The following ZNF398 variants were observed in gnomAD, a reference collection of about 807,000 sequenced individuals.
ZNF398 encodes zinc finger protein 398.
ZNF398 carries 18 observed loss-of-function variants against 41.9 expected under a neutral mutation model. The observed-to-expected ratio is 0.43, with a 90% CI of 0.30 to 0.64. ZNF398 has a LOEUF of 0.64. Among genes scored for constraint, ZNF398 ranks in the 30% least tolerant of loss-of-function variants. The probability of loss-of-function intolerance (pLI) is 0.14; values close to 1 mark genes in which losing one functional copy is unlikely to be tolerated. For synonymous variants in ZNF398, 260 were observed against 308.8 expected (o/e 0.84, Z 1.66); for missense variants, 669 against 822.8 (o/e 0.81, Z 2.29).
chr7:149,144,893 G>A (rs1826901885), upstream of ZNF398, among the ~76,000 whole-genome samples: 1 of 151,832 alleles, frequency 6.6e-6, no homozygotes, highest in African/African-American at 2.4e-5. Context: ...CCGGCTTCTC[G>A]GCTACTACAT....
intron 2 of ZNF398, among the ~76,000 whole-genome samples, chr7:149,155,063 G>A (rs916788712): frequency 6.7e-6 from 1 of 149,680 alleles, no homozygotes; most frequent in East Asian, 2.0e-4. Flanking sequence ...GAGGCAGGTG[G>A]ATCTCCTGAG....
rs1408631946 is a variant in ZNF398 at position 149,149,684 on chromosome 7, T to TAAA, written c.24+1918_24+1919insAAA. Among the ~76,000 whole-genome samples the TAAA allele has an allele frequency of 5.5e-3, 541 of 98,468 alleles. 3 individuals are homozygous for TAAA. The highest frequency in any genetic ancestry group is 0.013 in the African/African-American group (469 of 35,802). The allele number at this position is 98,468 out of a possible 152,430, so 64.6% of individuals were successfully genotyped here. A position where few individuals can be genotyped will look rare whatever the true frequency, so the allele number is the denominator to read the frequency against. ...AAGACCCCATCTCTACAAAAAAAAT[T>TAAA]TTTTTTTTTAAATTAGCCAGGCGTG... is the stretch of plus-strand genomic sequence containing the variant. On this transcript the variant is annotated intron_variant, in intron 1 of 5. Coordinates refer to ENST00000475153, the MANE Select transcript of ZNF398 (RefSeq NM_170686.3).
chr7:149,155,698 TATATATA>T (rs1260805184), intron 2 of ZNF398, among the ~76,000 whole-genome samples: 60 of 34,686 alleles, frequency 1.7e-3, no homozygotes, highest in African/African-American at 3.5e-3. Context: ...TATATATATA[TATATATA>T]TATTTTTTTT....
intron 4 of ZNF398, among the ~76,000 whole-genome samples, chr7:149,169,582 G>A (rs543077399): frequency 1.4e-4 from 22 of 152,096 alleles, no homozygotes; most frequent in Non-Finnish European, 2.9e-4. Context: ...CTCCCAAGTA[G>A]CTGGGACTAC....
chr7:149,141,949 T>C (rs2129519667), intron 2 of ZNF398, among the ~76,000 whole-genome samples: 1 of 152,236 alleles, frequency 6.6e-6, no homozygotes, highest in South Asian at 2.1e-4. Context: ...TTGGCATCCA[T>C]GAAGGCTGTT....
At chr7:149,142,335 T>C (rs535464638) in intron 2 of ZNF398, among the ~76,000 whole-genome samples, 2 of 152,284 alleles carry the variant, frequency 1.3e-5, no homozygotes, top group South Asian at 4.1e-4. Context: ...ATACTGTATA[T>C]ATCTGTATAT....
At chr7:149,134,847 C>T (rs1826676960) in intron 2 of ZNF398, among the ~76,000 whole-genome samples, 3 of 152,142 alleles carry the variant, frequency 2.0e-5, no homozygotes, top group African/African-American at 7.2e-5. Context: ...TCTCATGCCT[C>T]AGCCTCCCAA....
chr7:149,166,308 G>A (rs1420680660), intron 3 of ZNF398, 24 bp downstream of exon 3: 1 of 1,573,056 alleles, frequency 6.4e-7, no homozygotes, highest in Non-Finnish European at 8.6e-7. Context: ...GACACCTTTT[G>A]AATGAAGTGA....
intron 2 of ZNF398, among the ~76,000 whole-genome samples, chr7:149,162,252 G>A (rs1202457206): frequency 6.6e-6 from 1 of 152,018 alleles, no homozygotes; most frequent in Non-Finnish European, 1.5e-5. Context: ...CGCAGTCTCG[G>A]CTCACTGTAA....
chr7:149,165,548 A>G (rs928901251), intron 2 of ZNF398, among the ~76,000 whole-genome samples: 1 of 152,206 alleles, frequency 6.6e-6, no homozygotes, highest in Non-Finnish European at 1.5e-5. Flanking sequence ...CCATTTGAAG[A>G]ATGTACAAAG....
chr7:149,133,563 CAA>C (rs1675325176), intron 2 of ZNF398, among the ~76,000 whole-genome samples: 1 of 150,714 alleles, frequency 6.6e-6, no homozygotes, highest in African/African-American at 2.4e-5. Context: ...AGGCTTTTGA[CAA>C]AGTGATCTGC....
At chr7:149,174,797 G>A (rs1000818358) in intron 4 of ZNF398, among the ~76,000 whole-genome samples, 1 of 152,188 alleles carries the variant, frequency 6.6e-6, no homozygotes, top group Non-Finnish European at 1.5e-5. Flanking sequence ...CTGTAGTCCA[G>A]CCTGGGTGAT....
chr7:149,180,134 G>A lies in ZNF398; in HGVS notation c.*333G>A, dbSNP rs1183545403. On this transcript the variant is annotated 3_prime_UTR_variant, in exon 6 of 6. Coordinates refer to ENST00000475153, the MANE Select transcript of ZNF398 (RefSeq NM_170686.3). ...GTTCTCTTGTTCTCAGAGAACAGCA[G>A]GTTGATAGTAGATTATGTCTCTAGG... The A allele has an allele frequency of 4.7e-6, 1 of 211,284 alleles. No homozygotes were observed. The highest frequency in any genetic ancestry group is 9.5e-6 in the Non-Finnish European group (1 of 105,062). 13.1% of individuals were successfully genotyped at this position (211,284 alleles called of 1,614,324 possible). A position where few individuals can be genotyped will look rare whatever the true frequency, so the allele number is the denominator to read the frequency against.
chr7:149,158,658 A>G (rs1373418601), intron 2 of ZNF398, among the ~76,000 whole-genome samples: 4 of 152,022 alleles, frequency 2.6e-5, no homozygotes, highest in Middle Eastern at 6.8e-3. Context: ...AACATGGTGA[A>G]ACCCTGTCTC....
intron 2 of ZNF398, among the ~76,000 whole-genome samples, chr7:149,155,280 C>G (rs147028136): frequency 0.037 from 5,655 of 152,104 alleles, 345 homozygotes; most frequent in African/African-American, 0.13. Context: ...ATTAGCTGGG[C>G]TTGGTGGTGG....
At chr7:149,167,847 G>A (rs910687313) in intron 4 of ZNF398, among the ~76,000 whole-genome samples, 3 of 151,706 alleles carry the variant, frequency 2.0e-5, no homozygotes, top group African/African-American at 4.8e-5. Context: ...TCCTGACCTC[G>A]TGATCCACCC....
chr7:149,133,967 T>C (rs187274776), intron 2 of ZNF398, among the ~76,000 whole-genome samples: 9 of 150,144 alleles, frequency 6.0e-5, no homozygotes, highest in Non-Finnish European at 1.2e-4. Flanking sequence ...GTCAGGCTGA[T>C]CTCGAACTCC....
chr7:149,162,694 C>T (rs1357004693), intron 2 of ZNF398, among the ~76,000 whole-genome samples: 1 of 152,086 alleles, frequency 6.6e-6, no homozygotes, highest in Non-Finnish European at 1.5e-5. Context: ...TAGTGTTGAT[C>T]CCACAAGAGG....
In ZNF398 at chr7:149,141,881, G is replaced by A. The variant is rs533548957; in HGVS notation, c.-489-12064G>A. On this transcript the variant is annotated intron_variant, in intron 2 of 6. Coordinates refer to the ZNF398 transcript ENST00000426851. ...TGGGATTACAGGCGTGAGCCACTGCGCCCGGCCCTAATCCACAGACTTTAG... is the reference window on the plus strand; with the variant it reads ...TGGGATTACAGGCGTGAGCCACTGCACCCGGCCCTAATCCACAGACTTTAG... 4.6e-5 allele frequency among the ~76,000 whole-genome samples: 7 copies of A among 152,194 alleles called. No homozygotes were observed. In the South Asian group the frequency reaches 1.0e-3, roughly 23 times the overall value.
Sources: allele counts gnomAD v4.1 joint callset (sites outside exome capture counted in the v4.1 genomes callset), GRCh38; gene constraint gnomAD v4.1.1; transcripts MANE v1.5; gene names NCBI Gene and HGNC (gene_info 2026-07-23, HGNC 2026-07-21).